MAST2: variants seen among roughly 807,000 people sequenced by gnomAD.
The protein encoded by MAST2 is microtubule-associated serine/threonine-protein kinase 2.
MAST2 carries 70 observed loss-of-function variants against 147.4 expected under a neutral mutation model. The ratio of observed to expected loss-of-function variants is 0.47; its 90% CI spans 0.39 to 0.58. The LOEUF (loss-of-function observed/expected upper bound fraction) is 0.58, where lower values mean the gene tolerates loss of function less well. MAST2 is among the 20% of genes least tolerant of loss of function. The pLI is 0.00. For missense variants in MAST2, 2,080 were observed against 2,302.3 expected (o/e 0.90, Z 1.98); for synonymous variants, 869 against 896.8 (o/e 0.97, Z 0.55).
At chr1:45,847,254 A>C in intron 3 of MAST2, 1 of 511,634 alleles carries the variant, frequency 2.0e-6, no homozygotes, top group South Asian at 1.5e-5. Flanking sequence ...CTCCCGCTCC[A>C]TCGTCTGCTT....
intron 9 of MAST2, among the ~76,000 whole-genome samples, chr1:46,010,300 C>T (rs1165099273): frequency 6.6e-6 from 1 of 152,184 alleles, no homozygotes; most frequent in Non-Finnish European, 1.5e-5. Context: ...TGAAAGACTT[C>T]CCAGAGGAGA....
intron 1 of MAST2, among the ~76,000 whole-genome samples, chr1:45,816,184 A>G (rs552333174): frequency 1.0e-5 from 1 of 98,902 alleles, no homozygotes; most frequent in South Asian, 3.2e-4. Context: ...CAAGAAAGGC[A>G]GCTTGGTATT....
chr1:45,812,987 C>T (rs890205900), intron 1 of MAST2, among the ~76,000 whole-genome samples: 19 of 152,030 alleles, frequency 1.2e-4, no homozygotes, highest in Non-Finnish European at 2.4e-4. Context: ...CAATATCTCT[C>T]GGGGATTGAG....
At chr1:45,977,990 C>T (rs552905460) in intron 5 of MAST2, among the ~76,000 whole-genome samples, 1 of 151,832 alleles carries the variant, frequency 6.6e-6, no homozygotes, top group African/African-American at 2.4e-5. Context: ...CTTAGGTGGG[C>T]GGATCACTTG....
intron 5 of MAST2, among the ~76,000 whole-genome samples, chr1:45,965,824 C>G (rs1661112513): frequency 6.6e-6 from 1 of 152,054 alleles, no homozygotes; most frequent in African/African-American, 2.4e-5. Flanking sequence ...TATATAGGCT[C>G]CCCATTATCA....
intron 5 of MAST2, among the ~76,000 whole-genome samples, chr1:45,982,507 A>T (rs1040367611): frequency 2.0e-5 from 3 of 152,332 alleles, no homozygotes; most frequent in Non-Finnish European, 4.4e-5. Context: ...AACTCTGGAC[A>T]ACCTTAAGCT....
chr1:45,930,942 C>T (rs1385357214), intron 4 of MAST2, among the ~76,000 whole-genome samples: 1 of 152,226 alleles, frequency 6.6e-6, no homozygotes, highest in African/African-American at 2.4e-5. Flanking sequence ...CAGCCCTTGT[C>T]CTAACCCATA....
Position 45,916,039 on chromosome 1 carries a change from G to A in MAST2, c.500+33644G>A, listed in dbSNP as rs1652451156. 1.3e-5 allele frequency among the ~76,000 whole-genome samples: 2 copies of A among 152,156 alleles called. 1 individual carries two copies. The highest frequency in any genetic ancestry group is 4.1e-4 in the South Asian group (2 of 4,826). ...AGTTTGTGGAAATGTGGGCATAACT[G>A]TAATTTTAAATAGTTGTGTGCCCTC... is the stretch of plus-strand genomic sequence containing the variant. On this transcript the variant is annotated intron_variant, in intron 4 of 28. Coordinates refer to ENST00000361297, the MANE Select transcript of MAST2 (RefSeq NM_015112.3).
chr1:45,807,837 C>T (rs1159824221), intron 1 of MAST2, among the ~76,000 whole-genome samples: 3 of 152,098 alleles, frequency 2.0e-5, no homozygotes, highest in African/African-American at 2.4e-5. Flanking sequence ...CCACTGTGCC[C>T]GGCCTAACAT....
intron 4 of MAST2, among the ~76,000 whole-genome samples, chr1:45,916,206 A>G (rs1490301938): frequency 1.3e-5 from 2 of 152,218 alleles, no homozygotes; most frequent in Non-Finnish European, 2.9e-5. Flanking sequence ...CACTGTATCC[A>G]TATTATAAAC....
intron 4 of MAST2, among the ~76,000 whole-genome samples, chr1:45,944,174 A>G (rs1485637640): frequency 6.6e-6 from 1 of 152,220 alleles, no homozygotes; most frequent in East Asian, 1.9e-4. Flanking sequence ...AATTACTGCC[A>G]TCATATTCTC....
chr1:45,821,339 G>A lies in MAST2; in HGVS notation c.178-3094G>A, dbSNP rs530738011. Among the ~76,000 whole-genome samples, 3 of 152,180 alleles carry A rather than the reference G, an allele frequency of 2.0e-5. No homozygotes were observed. In the South Asian group the frequency reaches 6.2e-4, roughly 32 times the overall value. The stretch of plus-strand genomic sequence containing the variant: ...CAGGATCTCCTGTATTTGACAAGTT[G>A]CTTTTCTCTTGCTGCTTTGAATATT... On this transcript the variant is annotated intron_variant, in intron 1 of 28. Coordinates refer to ENST00000361297, the MANE Select transcript of MAST2 (RefSeq NM_015112.3).
In MAST2 at chr1:45,972,314, C is replaced by T. The variant is rs566551961; in HGVS notation, c.592+12837C>T. Among the ~76,000 whole-genome samples, 16 of 152,352 alleles carry T rather than the reference C, an allele frequency of 1.1e-4. No individual in the cohort carries two copies. In the East Asian group the frequency reaches 3.1e-3, roughly 29 times the overall value. ...TTCCATCCTGTGGTGGGCAGATACA[C>T]TGGTGGGGCTGGCCGTGTGCCACAT... On this transcript the variant is annotated intron_variant, in intron 5 of 28. Transcript: ENST00000361297.
At position 45,978,198 on chromosome 1, in the gene MAST2, T is replaced by C. The variant is rs554508580; in HGVS notation, c.592+18721T>C. Among the ~76,000 whole-genome samples the C allele has an allele frequency of 2.0e-5, 3 of 152,208 alleles. No individual in the cohort carries two copies. In the South Asian group the frequency reaches 6.2e-4, roughly 32 times the overall value. ...GTCAATAAATGCATGAAAAGATAATTTACTCTCATTAGTAATTATGAAAAT... is the reference window on the plus strand; with the variant it reads ...GTCAATAAATGCATGAAAAGATAATCTACTCTCATTAGTAATTATGAAAAT... On this transcript the variant is annotated intron_variant, in intron 5 of 28. Coordinates refer to ENST00000361297, the MANE Select transcript of MAST2 (RefSeq NM_015112.3).
intron 6 of MAST2, among the ~76,000 whole-genome samples, chr1:46,000,506 G>C (rs1446835498): frequency 1.3e-5 from 2 of 152,110 alleles, no homozygotes; most frequent in Non-Finnish European, 2.9e-5. Flanking sequence ...TCATTGCCTG[G>C]GTTTAGGAGT....
intron 3 of MAST2, among the ~76,000 whole-genome samples, chr1:45,881,600 T>C (rs1646847883): frequency 6.6e-6 from 1 of 152,172 alleles, no homozygotes; most frequent in South Asian, 2.1e-4. Flanking sequence ...GTGTGTGAAG[T>C]CATCTCTTTG....
At chr1:45,921,018 C>T (rs772105340) in intron 4 of MAST2, among the ~76,000 whole-genome samples, 7 of 152,152 alleles carry the variant, frequency 4.6e-5, no homozygotes, top group Non-Finnish European at 8.8e-5. Context: ...TTGTTTGAGA[C>T]GGAGTCTCAC....
intron 3 of MAST2, among the ~76,000 whole-genome samples, chr1:45,832,651 G>A (rs563864563): frequency 6.6e-6 from 1 of 152,256 alleles, no homozygotes; most frequent in African/African-American, 2.4e-5. Context: ...GAGAACTACT[G>A]CCACCATGAT....
In MAST2 at chr1:46,025,659, A is replaced by G; in HGVS notation, c.1781-18A>G. ...GGGAACTGAATCCTTTCCTCATGGT[A>G]GCCTGGGCTTGTTGCAGGGGGAGAC... On this transcript the variant is annotated intron_variant, in intron 15 of 28. Coordinates refer to ENST00000361297, the MANE Select transcript of MAST2 (RefSeq NM_015112.3). 6.2e-7 allele frequency: 1 copy of G among 1,613,864 alleles called. No individual in the cohort carries two copies. The highest frequency in any genetic ancestry group is 8.5e-7 in the Non-Finnish European group (1 of 1,180,028).
Sources: gnomAD v4.1 joint callset for allele counts (sites outside exome capture counted in the v4.1 genomes callset) on GRCh38, gnomAD v4.1.1 for gene constraint, MANE v1.5 for transcripts, NCBI Gene and HGNC (gene_info 2026-07-23, HGNC 2026-07-21) for gene names.